The following RTTN variants were observed in gnomAD, a reference collection of about 807,000 sequenced individuals.
RTTN encodes the protein rotatin.
A neutral mutation model predicts 269.2 loss-of-function variants in RTTN; 182 were observed. The ratio of observed to expected loss-of-function variants is 0.68; its 90% CI spans 0.60 to 0.76. RTTN has a LOEUF of 0.76. RTTN is among the 30% of genes least tolerant of loss of function. RTTN has a pLI of 0.00. For missense variants in RTTN, 2,545 were observed against 2,608.6 expected, an observed-to-expected ratio of 0.98 and a Z score of 0.53; for synonymous variants, 1,006 against 963.5, an observed-to-expected ratio of 1.04 and a Z score of -0.82.
chr18:70,202,522 C>T (rs115612479), intron 3 of RTTN, among the ~76,000 whole-genome samples: 1 of 152,318 alleles, frequency 6.6e-6, no homozygotes, highest in African/African-American at 2.4e-5. Context: ...GTTCCTAACA[C>T]TAATAAAGAA....
chr18:70,021,861 T>A (rs1301412398), intron 44 of RTTN, among the ~76,000 whole-genome samples: 2 of 152,148 alleles, frequency 1.3e-5, no homozygotes, highest in Non-Finnish European at 2.9e-5. Flanking sequence ...ATCAACAGCA[T>A]CTGGCAGTAA....
At chr18:70,066,970 A>T (rs2058152716) in intron 34 of RTTN, among the ~76,000 whole-genome samples, 1 of 152,224 alleles carries the variant, frequency 6.6e-6, no homozygotes, top group African/African-American at 2.4e-5. Context: ...CACATTAAGT[A>T]AGTATAACAG....
chr18:70,139,060 C>T (rs1480159102), intron 21 of RTTN: 1 of 149,286 alleles, frequency 6.7e-6, no homozygotes, highest in Non-Finnish European at 1.5e-5. Flanking sequence ...GTTCATCTAA[C>T]ACCTTACTAA....
chr18:70,023,521 C>T (rs1409881526), intron 44 of RTTN, among the ~76,000 whole-genome samples: 1 of 152,144 alleles, frequency 6.6e-6, no homozygotes. Flanking sequence ...TTAAATCTTC[C>T]CCATTTTAGT....
chr18:70,114,426 G>A lies in RTTN; in HGVS notation c.3683+19C>T, dbSNP rs768678213. 7 of 1,605,644 alleles carry A rather than the reference G, an allele frequency of 4.4e-6. No homozygotes were observed. The Admixed American group carries it at 8.5e-5, about 19-fold the overall frequency. On this transcript the variant is annotated intron_variant, in intron 27 of 48. Transcript: ENST00000640769. ...GTTCTATATAAATGCACCTAAACCT[G>A]CAATATTACAAATGGTACCTGTCAG...
intron 23 of RTTN, chr18:70,131,723 A>G (rs765501189): frequency 6.6e-6 from 1 of 151,812 alleles, no homozygotes; most frequent in Non-Finnish European, 1.5e-5. Flanking sequence ...TGTAACTACA[A>G]GTTAACAGCT....
chr18:70,055,524 T>G (rs11876150), intron 37 of RTTN, among the ~76,000 whole-genome samples: 2 of 151,960 alleles, frequency 1.3e-5, no homozygotes, highest in Non-Finnish European at 2.9e-5. Context: ...TATATAAAAG[T>G]GTAGGTGGCT....
chr18:70,092,980 T>A (rs909163618), intron 28 of RTTN, among the ~76,000 whole-genome samples, 176 bp from the exon 29 acceptor site: 3 of 152,198 alleles, frequency 2.0e-5, no homozygotes, highest in African/African-American at 7.2e-5. Flanking sequence ...TATGGGTATT[T>A]TACCATTGTT....
In RTTN at chr18:70,051,546, T is replaced by C; in HGVS notation, c.5188A>G (p.Lys1730Glu). ...TGATAAAAAGCTGATATTAACTCTTTATCTATAAAATTAATCAAAACACTT... is the reference window on the plus strand; with the variant it reads ...TGATAAAAAGCTGATATTAACTCTTCATCTATAAAATTAATCAAAACACTT... ...LTICTKDVLDKELISAFYHTW... is the reference protein window; with the variant it reads ...LTICTKDVLDEELISAFYHTW... Residue 1730 changes from lysine to glutamate, a missense_variant and splice_region_variant, in exon 39 of 49, where the codon AAA (lysine) becomes GAA (glutamate). By Grantham distance (56) the Lys-to-Glu change is moderately conservative. Transcript: ENST00000640769. 1 of 1,593,234 alleles carries C rather than the reference T, an allele frequency of 6.3e-7. No individual in the cohort carries two copies. The highest frequency in any genetic ancestry group is 8.6e-7 in the Non-Finnish European group (1 of 1,166,284).
rs768712407 is a variant in RTTN at position 70,205,672 on chromosome 18, T to G, written c.-14A>C. On this transcript the variant is annotated 5_prime_UTR_variant, in exon 1 of 49. Transcript: ENST00000640769. ...TGCCAGGACCATCTCGTCCCGTCAA[T>G]CTGCAGCCGCCGGAGAATTAAACTG... The G allele has an allele frequency of 1.2e-6, 2 of 1,613,922 alleles. No homozygotes were observed. Among genetic ancestry groups the G allele is most frequent in the Non-Finnish European group, 1.7e-6 (2 of 1,180,000 alleles).
chr18:70,163,872 T>A (rs143763827), intron 14 of RTTN, among the ~76,000 whole-genome samples: 1 of 152,270 alleles, frequency 6.6e-6, no homozygotes, highest in Non-Finnish European at 1.5e-5. Context: ...GACAATAGAT[T>A]ATTATTAAGT....
chr18:70,103,114 C>T (rs1435592122), intron 28 of RTTN, among the ~76,000 whole-genome samples: 2 of 143,686 alleles, frequency 1.4e-5, no homozygotes, highest in African/African-American at 2.6e-5. Context: ...GCGCCTCTGC[C>T]CAGCCGCCAC....
At chr18:70,108,823 A>G (rs2059388842) in intron 28 of RTTN, among the ~76,000 whole-genome samples, 1 of 151,474 alleles carries the variant, frequency 6.6e-6, no homozygotes. Context: ...CTAGCAAAAC[A>G]GGACAAAAGA....
intron 23 of RTTN, chr18:70,128,982 C>T (rs2059933329): frequency 6.5e-6 from 1 of 154,642 alleles, no homozygotes; most frequent in Admixed American, 6.3e-5. Flanking sequence ...AAAAATGAGG[C>T]TTAAAGCTGA....
chr18:70,181,931 T>C (rs1599948954), intron 10 of RTTN, among the ~76,000 whole-genome samples: 1 of 152,172 alleles, frequency 6.6e-6, no homozygotes, highest in East Asian at 1.9e-4. Context: ...ATTCATTGAA[T>C]CATAAAGTAC....
At chr18:70,164,600 GA>G in intron 14 of RTTN, among the ~76,000 whole-genome samples, 1 of 152,136 alleles carries the variant, frequency 6.6e-6, no homozygotes, top group African/African-American at 2.4e-5. Context: ...GTACTGAAAG[GA>G]TAACACTGAG....
chr18:70,103,554 G>C (rs1390592931), intron 28 of RTTN, among the ~76,000 whole-genome samples: 3 of 151,984 alleles, frequency 2.0e-5, no homozygotes, highest in African/African-American at 2.4e-5. Flanking sequence ...GATGCTTGAA[G>C]GCAGCATGCT....
chr18:70,158,377 T>C (rs1230824158), intron 14 of RTTN, among the ~76,000 whole-genome samples: 1 of 152,134 alleles, frequency 6.6e-6, no homozygotes, highest in East Asian at 1.9e-4. Context: ...AACAAAATTA[T>C]TTTCAGAGAA....
At chr18:70,015,439 G>A (rs2056511937) in intron 46 of RTTN, among the ~76,000 whole-genome samples, 1 of 152,166 alleles carries the variant, frequency 6.6e-6, no homozygotes, top group Admixed American at 6.5e-5. Flanking sequence ...ATGTGTGGGT[G>A]CTACCGATCA....
Sources: gnomAD v4.1 joint callset for allele counts (sites outside exome capture counted in the v4.1 genomes callset) on GRCh38, gnomAD v4.1.1 for gene constraint, MANE v1.5 for transcripts, NCBI Gene and HGNC (gene_info 2026-07-23, HGNC 2026-07-21) for gene names.